The following ILRUN variants were observed in gnomAD, a reference collection of about 807,000 sequenced individuals.
ILRUN encodes the protein protein ILRUN.
In ILRUN, 3 loss-of-function variants were observed where a neutral mutation model predicts 33.8. That is an observed-to-expected ratio of 0.09 (90% CI 0.04 to 0.23). The LOEUF (loss-of-function observed/expected upper bound fraction) is 0.23. Ranked by LOEUF, ILRUN falls within the 10% of genes least tolerant of loss-of-function variation. The pLI is 1.00. For synonymous variants in ILRUN, 124 were observed against 138.9 expected (o/e 0.89, Z 0.75); for missense variants, 210 against 375.1 (o/e 0.56, Z 3.64).
chr6:34,671,098 T>C (rs1207021680), intron 1 of ILRUN, among the ~76,000 whole-genome samples: 1 of 152,052 alleles, frequency 6.6e-6, no homozygotes, highest in African/African-American at 2.4e-5. Context: ...ATATTCAATA[T>C]AGAAAAATTT....
Position 34,653,773 on chromosome 6 carries a change from G to T in ILRUN, c.313+852C>A, listed in dbSNP as rs867221421. Reference sequence around the variant, plus strand: ...GGATAGCTTGAGCCCAAGAGTTCGAGATCAACCTGGGCAACACAGGAAGAC... The same window carrying T: ...GGATAGCTTGAGCCCAAGAGTTCGATATCAACCTGGGCAACACAGGAAGAC... On this transcript the variant is annotated intron_variant, in intron 2 of 4. Transcript: ENST00000374023. Among the ~76,000 whole-genome samples, 37 of 151,966 alleles carry T rather than the reference G, an allele frequency of 2.4e-4. 1 individual carries two copies. Among genetic ancestry groups the T allele is most frequent in the Admixed American group, 1.3e-4 (2 of 15,268 alleles).
In ILRUN at chr6:34,590,166, G is replaced by C. The variant is rs1180278966; in HGVS notation, c.*399C>G. The C allele has an allele frequency of 5.9e-5, 10 of 168,360 alleles. No homozygotes were observed. Among genetic ancestry groups the C allele is most frequent in the Non-Finnish European group, 1.3e-4 (10 of 76,162 alleles). 10.4% of individuals were successfully genotyped at this position (168,360 alleles called of 1,614,324 possible). A position where few individuals can be genotyped will look rare whatever the true frequency, so the allele number is the denominator to read the frequency against. The stretch of plus-strand genomic sequence containing the variant: ...ATTTAAAAAAATAAAAGTGGGGAAA[G>C]AGGGAAAAAAATTAACATGTGCTCA... On this transcript the variant is annotated 3_prime_UTR_variant, in exon 5 of 5. Coordinates refer to ENST00000374023, the MANE Select transcript of ILRUN (RefSeq NM_024294.4).
chr6:34,607,355 AC>A (rs1761655765), intron 3 of ILRUN, among the ~76,000 whole-genome samples: 1 of 152,222 alleles, frequency 6.6e-6, no homozygotes, highest in African/African-American at 2.4e-5. Context: ...ATTTAGAATG[AC>A]CATATGTTGT....
Position 34,592,516 on chromosome 6 carries a change from G to A in ILRUN, c.862-1916C>T, listed in dbSNP as rs205266. On this transcript the variant is annotated intron_variant, in intron 4 of 4. Coordinates refer to ENST00000374023, the MANE Select transcript of ILRUN (RefSeq NM_024294.4). This position sits in a 1 kb window ranked among gnomAD's most constrained non-coding sequence, Gnocchi z 4.0. ...GATTCCATTTTGCAAGTCCTGGTAG[G>A]GGGGGTCCCATACATCAGAGGTATC... 0.16 allele frequency among the ~76,000 whole-genome samples: 24,758 copies of A among 152,212 alleles called. 2,595 individuals carry two copies. The highest frequency in any genetic ancestry group is 0.29 in the African/African-American group (12,040 of 41,496).
At chr6:34,603,007 TCATC>T (rs1399011135) in intron 4 of ILRUN, among the ~76,000 whole-genome samples, 26 of 152,300 alleles carry the variant, frequency 1.7e-4, no homozygotes, top group Non-Finnish European at 2.8e-4. Flanking sequence ...TCTATTACCT[TCATC>T]CTACCAACCT....
chr6:34,611,197 T>C (rs1420862691), intron 3 of ILRUN, among the ~76,000 whole-genome samples: 1 of 151,782 alleles, frequency 6.6e-6, no homozygotes, highest in Non-Finnish European at 1.5e-5. Context: ...TCCTCCTGGT[T>C]CAGCCTCTCC....
chr6:34,673,619 G>A (rs1027095777), intron 1 of ILRUN, among the ~76,000 whole-genome samples: 5 of 152,142 alleles, frequency 3.3e-5, no homozygotes, highest in African/African-American at 1.2e-4. Flanking sequence ...AGCACTTTGG[G>A]AGGCCAAGGC....
intron 1 of ILRUN, among the ~76,000 whole-genome samples, chr6:34,689,577 A>C (rs1763604548): frequency 6.6e-6 from 1 of 152,094 alleles, no homozygotes; most frequent in Non-Finnish European, 1.5e-5. Flanking sequence ...TAGAAGTATT[A>C]TCTCTATCAT....
rs930127348 is a variant in ILRUN at position 34,588,789 on chromosome 6, G to A, written c.*1776C>T. On this transcript the variant is annotated 3_prime_UTR_variant, in exon 5 of 5. Coordinates refer to ENST00000374023, the MANE Select transcript of ILRUN (RefSeq NM_024294.4). ...TTTATGCCCCCTTTTATTTTTTGGG[G>A]GGTGGGGAGGTGAAGAGGGAATTTC... is the stretch of plus-strand genomic sequence containing the variant. 1 of 152,696 alleles carries A rather than the reference G, an allele frequency of 6.5e-6. No homozygotes were observed. The highest frequency in any genetic ancestry group is 1.5e-5 in the Non-Finnish European group (1 of 68,140). The allele number at this position is 152,696 out of a possible 1,614,324, so 9.5% of individuals were successfully genotyped here. A position where few individuals can be genotyped will look rare whatever the true frequency, so the allele number is the denominator to read the frequency against.
At chr6:34,684,147 T>C (rs543608857) in intron 1 of ILRUN, among the ~76,000 whole-genome samples, 7 of 151,534 alleles carry the variant, frequency 4.6e-5, no homozygotes, top group Non-Finnish European at 8.8e-5. Context: ...TGAAAAAAAA[T>C]AGAAAAATCT....
At chr6:34,622,094 A>C (rs1233369120) in intron 3 of ILRUN, among the ~76,000 whole-genome samples, 1 of 152,202 alleles carries the variant, frequency 6.6e-6, no homozygotes, top group Non-Finnish European at 1.5e-5. Context: ...TACAAAAATT[A>C]ACTCAAAATG....
At chr6:34,630,744 G>T (rs1439325553) in intron 3 of ILRUN, among the ~76,000 whole-genome samples, 1 of 152,068 alleles carries the variant, frequency 6.6e-6, no homozygotes, top group Admixed American at 6.6e-5. Context: ...TGAACTCCTG[G>T]GCTCAAGGAA....
chr6:34,601,701 A>AC (rs762784252), intron 4 of ILRUN, among the ~76,000 whole-genome samples: 12,347 of 145,456 alleles, frequency 0.085, 796 homozygotes, highest in African/African-American at 0.19. Flanking sequence ...CTCCTCCAGT[A>AC]CCCGCCCCCC....
chr6:34,678,320 C>T (rs1034435214), intron 1 of ILRUN, among the ~76,000 whole-genome samples: 1 of 152,098 alleles, frequency 6.6e-6, no homozygotes, highest in Non-Finnish European at 1.5e-5. Context: ...GGATATCAGG[C>T]GTGAGCCACC....
intron 1 of ILRUN, among the ~76,000 whole-genome samples, chr6:34,669,589 C>T (rs1277778272): frequency 6.6e-6 from 1 of 152,130 alleles, no homozygotes; most frequent in African/African-American, 2.4e-5. Flanking sequence ...TTTATTACTG[C>T]CTGTGTATTA....
intron 1 of ILRUN, among the ~76,000 whole-genome samples, chr6:34,683,665 G>A (rs1183330901): frequency 6.6e-6 from 1 of 151,550 alleles, no homozygotes; most frequent in Non-Finnish European, 1.5e-5. Flanking sequence ...TAGTACAGGG[G>A]TTACAAATGA....
rs200054373 is a variant in ILRUN at position 34,654,030 on chromosome 6, A to AT, written c.313+594dup. Among the ~76,000 whole-genome samples the AT allele has an allele frequency of 1.0e-2, 1,468 of 147,012 alleles. 25 individuals carry two copies. Among genetic ancestry groups the AT allele is most frequent in the African/African-American group, 0.034 (1,368 of 39,972 alleles). Reference sequence around the variant, plus strand: ...GTGTGAGCTACCACACCCAATCTGTATTTTTTTTTTAAACCAACAATTTCT... The same window carrying AT: ...GTGTGAGCTACCACACCCAATCTGTATTTTTTTTTTTAAACCAACAATTTCT... On this transcript the variant is annotated intron_variant, in intron 2 of 4. Transcript: ENST00000374023.
At chr6:34,695,292 A>G (rs947138541) in intron 1 of ILRUN, among the ~76,000 whole-genome samples, 2 of 152,214 alleles carry the variant, frequency 1.3e-5, no homozygotes, top group Non-Finnish European at 2.9e-5. Flanking sequence ...TGAATGCCCA[A>G]CAGAGCAAAG....
At chr6:34,631,381 G>A (rs1343200429) in intron 3 of ILRUN, among the ~76,000 whole-genome samples, 1 of 151,716 alleles carries the variant, frequency 6.6e-6, no homozygotes, top group African/African-American at 2.4e-5. Context: ...AGGCTGGAGG[G>A]CAGTGGCGCG....
Sources: allele counts gnomAD v4.1 joint callset (sites outside exome capture counted in the v4.1 genomes callset), GRCh38; gene constraint gnomAD v4.1.1; non-coding constraint Gnocchi (gnomAD v3.1); transcripts MANE v1.5; gene names NCBI Gene and HGNC (gene_info 2026-07-23, HGNC 2026-07-21).